The following LMX1A variants were observed in gnomAD, a reference collection of about 807,000 sequenced individuals.
The protein encoded by LMX1A is LIM homeobox transcription factor 1 alpha.
Under a neutral mutation model 49.1 loss-of-function variants are expected in LMX1A, and 15 were observed. The ratio of observed to expected loss-of-function variants is 0.31; its 90% CI spans 0.20 to 0.47. LMX1A has a LOEUF of 0.47. LMX1A is among the 20% of genes least tolerant of loss of function. The probability of loss-of-function intolerance (pLI) is 1.00; values close to 1 mark genes in which losing one functional copy is unlikely to be tolerated. For synonymous variants in LMX1A, 167 were observed against 185.7 expected, an observed-to-expected ratio of 0.90 and a Z score of 0.82; for missense variants, 372 against 475.8, an observed-to-expected ratio of 0.78 and a Z score of 2.03.
At chr1:165,345,005 C>T (rs539616420) in intron 3 of LMX1A, among the ~76,000 whole-genome samples, 1 of 152,136 alleles carries the variant, frequency 6.6e-6, no homozygotes, top group Non-Finnish European at 1.5e-5. Context: ...AGACAGGGGG[C>T]CTATTTCTGG....
chr1:165,204,931 G>A lies in LMX1A; in HGVS notation c.989-891C>T, dbSNP rs374385739. Among the ~76,000 whole-genome samples, 11 of 152,198 alleles carry A rather than the reference G, an allele frequency of 7.2e-5. No individual in the cohort carries two copies. The South Asian group carries it at 2.3e-3, about 32-fold the overall frequency. On this transcript the variant is annotated intron_variant, in intron 8 of 8. Transcript: ENST00000342310. ...TCAGCCAGTGAAGGGCTTGTCAAGG[G>A]CCAAATCTTAATAAATGTTTGCTGA...
chr1:165,221,557 C>T (rs1268186695), intron 4 of LMX1A, among the ~76,000 whole-genome samples: 5 of 152,060 alleles, frequency 3.3e-5, no homozygotes, highest in African/African-American at 1.2e-4. Flanking sequence ...AGAAAGACAC[C>T]TTTGTTCAAA....
intron 3 of LMX1A, among the ~76,000 whole-genome samples, chr1:165,290,625 C>T (rs1654441923): frequency 6.6e-6 from 1 of 152,094 alleles, no homozygotes; most frequent in African/African-American, 2.4e-5. Flanking sequence ...TCTACTATGC[C>T]TTTTATGGAT....
At chr1:165,265,856 AC>A (rs1457366953) in intron 3 of LMX1A, among the ~76,000 whole-genome samples, 1 of 152,198 alleles carries the variant, frequency 6.6e-6, no homozygotes, top group African/African-American at 2.4e-5. Flanking sequence ...AAAGTTCATG[AC>A]CAACTAATTT....
At chr1:165,291,123 C>T (rs72702442) in intron 3 of LMX1A, among the ~76,000 whole-genome samples, 7,021 of 152,286 alleles carry the variant, frequency 0.046, 192 homozygotes, top group Middle Eastern at 0.11. Flanking sequence ...AAACACCAGA[C>T]ATCACCAATA....
intron 4 of LMX1A, among the ~76,000 whole-genome samples, chr1:165,239,915 C>T (rs960221078): frequency 1.3e-5 from 2 of 152,168 alleles, no homozygotes; most frequent in Non-Finnish European, 2.9e-5. Context: ...ATCATTAAGA[C>T]GTATTTATTG....
chr1:165,234,984 G>A (rs1448820258), intron 4 of LMX1A, among the ~76,000 whole-genome samples: 1 of 152,054 alleles, frequency 6.6e-6, no homozygotes, highest in Non-Finnish European at 1.5e-5. Flanking sequence ...TCATAATGTG[G>A]AGGTCGAAGG....
chr1:165,334,683 G>A (rs1655849863), intron 3 of LMX1A, among the ~76,000 whole-genome samples: 1 of 152,156 alleles, frequency 6.6e-6, no homozygotes, highest in Non-Finnish European at 1.5e-5. Context: ...ATGTTGTCCT[G>A]ACCATGAAAG....
intron 4 of LMX1A, among the ~76,000 whole-genome samples, chr1:165,227,668 A>G (rs1316931718): frequency 6.6e-6 from 1 of 152,176 alleles, no homozygotes; most frequent in Non-Finnish European, 1.5e-5. Context: ...TTTGGGAAAA[A>G]AGTACTTATT....
chr1:165,309,708 C>A (rs1231840326), intron 3 of LMX1A, among the ~76,000 whole-genome samples: 2 of 152,174 alleles, frequency 1.3e-5, no homozygotes, highest in African/African-American at 2.4e-5. Flanking sequence ...CTCAAGAAGA[C>A]CAGTGAACCA....
In LMX1A at chr1:165,355,150, C is replaced by T. The variant is rs1656563889; in HGVS notation, c.76+334G>A. ...CCTCTAGGCCGCGAGAAGAGGGCGG[C>T]ATTTATGAGACGTCGATCAGCTCCG... On this transcript the variant is annotated intron_variant, in intron 2 of 8. Coordinates refer to ENST00000342310, the MANE Select transcript of LMX1A (RefSeq NM_177398.4). The surrounding 1 kb of genome is among the most constrained non-coding windows in gnomAD (Gnocchi z 4.7). Among the ~76,000 whole-genome samples the T allele has an allele frequency of 6.6e-6, 1 of 152,180 alleles. No homozygotes were observed. The highest frequency in any genetic ancestry group is 1.5e-5 in the Non-Finnish European group (1 of 68,038).
At chr1:165,289,308 A>G (rs893990070) in intron 3 of LMX1A, among the ~76,000 whole-genome samples, 1 of 151,816 alleles carries the variant, frequency 6.6e-6, no homozygotes, top group Admixed American at 6.6e-5. Flanking sequence ...AAATGGCACT[A>G]CAGATCTAGT....
intron 3 of LMX1A, among the ~76,000 whole-genome samples, chr1:165,265,536 G>C (rs1327310835): frequency 1.3e-5 from 2 of 152,096 alleles, no homozygotes; most frequent in Non-Finnish European, 2.9e-5. Context: ...AGACTTCTCT[G>C]GCACTCAAAA....
chr1:165,298,460 C>T lies in LMX1A; in HGVS notation c.264-48820G>A, dbSNP rs368258535. On this transcript the variant is annotated intron_variant, in intron 3 of 8. Coordinates refer to ENST00000342310, the MANE Select transcript of LMX1A (RefSeq NM_177398.4). ...CAAGCAGGACATGCTGCTATGGACA[C>T]ACACAGTCAGGAGGTCCAGGTGCAA... is the stretch of plus-strand genomic sequence containing the variant. 6.9e-4 allele frequency among the ~76,000 whole-genome samples: 105 copies of T among 152,350 alleles called. 1 individual carries two copies. The highest frequency in any genetic ancestry group is 2.5e-3 in the African/African-American group (102 of 41,578).
At chr1:165,244,466 G>A (rs1652769965) in intron 4 of LMX1A, among the ~76,000 whole-genome samples, 1 of 152,052 alleles carries the variant, frequency 6.6e-6, no homozygotes, top group Admixed American at 6.5e-5. Context: ...TAACCTGTGG[G>A]ATCTGATGTT....
At chr1:165,346,404 T>C (rs1656245033) in intron 3 of LMX1A, among the ~76,000 whole-genome samples, 1 of 152,248 alleles carries the variant, frequency 6.6e-6, no homozygotes, top group Non-Finnish European at 1.5e-5. Context: ...GTCCACTTTG[T>C]ATTTTTAGTT....
At chr1:165,212,402 C>G (rs1651444126) in intron 5 of LMX1A, among the ~76,000 whole-genome samples, 1 of 152,122 alleles carries the variant, frequency 6.6e-6, no homozygotes, top group East Asian at 1.9e-4. Context: ...CCTGGACCCT[C>G]GAATGATAGA....
rs550477338 is a variant in LMX1A at position 165,214,516 on chromosome 1, G to T, written c.497-703C>A. Among the ~76,000 whole-genome samples, 4 of 152,192 alleles carry T rather than the reference G, an allele frequency of 2.6e-5. No individual in the cohort carries two copies. The South Asian group carries it at 6.2e-4, about 24-fold the overall frequency. Reference sequence around the variant, plus strand: ...GATATATGAGAGGATCTACTTCATTGGGGTTGCTGTGAGGATTAAATGAGT... The same window carrying T: ...GATATATGAGAGGATCTACTTCATTTGGGTTGCTGTGAGGATTAAATGAGT... On this transcript the variant is annotated intron_variant, in intron 4 of 8. Transcript: ENST00000342310.
intron 4 of LMX1A, among the ~76,000 whole-genome samples, chr1:165,234,493 C>T (rs938829487): frequency 1.3e-5 from 2 of 151,982 alleles, no homozygotes; most frequent in African/African-American, 4.8e-5. Context: ...GTTTCTTATC[C>T]CCTGAGGAAC....
Sources: allele counts gnomAD v4.1 joint callset (sites outside exome capture counted in the v4.1 genomes callset), GRCh38; gene constraint gnomAD v4.1.1; non-coding constraint Gnocchi (gnomAD v3.1); transcripts MANE v1.5; gene names NCBI Gene and HGNC (gene_info 2026-07-23, HGNC 2026-07-21).